Variants in NBAS observed in about 807,000 individuals in gnomAD.
NBAS encodes NAG/BC035112 fusion.
Under a neutral mutation model 302.5 loss-of-function variants are expected in NBAS, and 219 were observed. That is an observed-to-expected ratio of 0.72 (90% confidence interval 0.65 to 0.81). NBAS has a LOEUF of 0.81. Ranked by LOEUF, NBAS falls within the 30% of genes least tolerant of loss-of-function variation. The pLI is 0.00. For synonymous variants in NBAS, 1,118 were observed against 1,021.6 expected (o/e 1.09, Z -1.80); for missense variants, 2,932 against 2,841.6 (o/e 1.03, Z -0.72).
At chr2:14,881,399 A>G in the NBAS span, among the ~76,000 whole-genome samples, 1 of 152,206 alleles carries the variant, frequency 6.6e-6, no homozygotes, top group Non-Finnish European at 1.5e-5. Flanking sequence ...TTCAAAAATT[A>G]TCTGTTGGGA....
intron 12 of NBAS, chr2:15,483,363 C>T (rs1242373859): frequency 2.3e-6 from 1 of 435,180 alleles, no homozygotes; most frequent in East Asian, 7.3e-5. Context: ...AAGATTAGTC[C>T]AACACCTACT....
At position 15,467,287 on chromosome 2, in the gene NBAS, G is replaced by C. The variant is rs752195412; in HGVS notation, c.2097+42C>G. 13 of 1,360,742 alleles carry C rather than the reference G, an allele frequency of 9.6e-6. No individual in the cohort carries two copies. In the Middle Eastern group the frequency reaches 7.1e-4, roughly 75 times the overall value. 84.3% of individuals were successfully genotyped at this position (1,360,742 alleles called of 1,614,324 possible). A position where few individuals can be genotyped will look rare whatever the true frequency, so the allele number is the denominator to read the frequency against. On this transcript the variant is annotated intron_variant, in intron 19 of 51. Coordinates refer to ENST00000281513, the MANE Select transcript of NBAS (RefSeq NM_015909.4). The stretch of plus-strand genomic sequence containing the variant: ...GGCAGCCATAGCATTTATAATGACA[G>C]ATCAAATGAACATAATTGGTTTGAC...
chr2:14,797,384 G>A, the NBAS span, among the ~76,000 whole-genome samples: 13 of 152,182 alleles, frequency 8.5e-5, no homozygotes, highest in African/African-American at 3.1e-4. Context: ...TGCCAGCACT[G>A]GGCATCCATC....
the NBAS span, among the ~76,000 whole-genome samples, chr2:15,121,610 T>C: frequency 6.6e-6 from 1 of 152,346 alleles, no homozygotes; most frequent in African/African-American, 2.4e-5. Flanking sequence ...ATTTAGCTTT[T>C]CCTTCAATTA....
chr2:14,817,301 C>A, the NBAS span, among the ~76,000 whole-genome samples: 1 of 152,206 alleles, frequency 6.6e-6, no homozygotes, highest in Non-Finnish European at 1.5e-5. Context: ...TGGAAAACTC[C>A]TAGGTTCCCT....
At chr2:14,947,669 T>C in the NBAS span, among the ~76,000 whole-genome samples, 1 of 152,274 alleles carries the variant, frequency 6.6e-6, no homozygotes, top group Middle Eastern at 3.4e-3. Context: ...CAGTACTATG[T>C]TGAACACAAG....
chr2:15,403,215 G>C (rs2148431774), intron 25 of NBAS, among the ~76,000 whole-genome samples: 1 of 152,290 alleles, frequency 6.6e-6, no homozygotes, highest in Non-Finnish European at 1.5e-5. Context: ...ATAGGAAAGT[G>C]ATGGAGAGAA....
At chr2:15,548,257 G>GA (rs531596791) in intron 6 of NBAS, among the ~76,000 whole-genome samples, 6 of 149,076 alleles carry the variant, frequency 4.0e-5, no homozygotes, top group African/African-American at 1.2e-4. Flanking sequence ...TGCTAAGCAC[G>GA]AAAAAAAAAA....
chr2:14,945,366 A>C, the NBAS span, among the ~76,000 whole-genome samples: 1 of 152,186 alleles, frequency 6.6e-6, no homozygotes, highest in African/African-American at 2.4e-5. Flanking sequence ...CTAATACTTC[A>C]GTGCACAGAC....
At chr2:15,363,570 A>C (rs1056112750) in intron 32 of NBAS, among the ~76,000 whole-genome samples, 2 of 152,224 alleles carry the variant, frequency 1.3e-5, no homozygotes, top group African/African-American at 4.8e-5. Flanking sequence ...CCTCTTAACT[A>C]TAAAATCCTC....
rs555617373 is a variant in NBAS at position 15,288,917 on chromosome 2, C to T, written c.5028-1734G>A. Among the ~76,000 whole-genome samples the T allele has an allele frequency of 1.4e-3, 216 of 152,300 alleles. 1 individual carries two copies. Among genetic ancestry groups the T allele is most frequent in the Middle Eastern group, 6.8e-3 (2 of 294 alleles). On this transcript the variant is annotated intron_variant, in intron 41 of 51. Transcript: ENST00000281513. ...TTACTGCCAGTCTCTCTGGCATAGTCTTCTTTTTATGGCTTTTGTTTTTGT... is the reference window on the plus strand; with the variant it reads ...TTACTGCCAGTCTCTCTGGCATAGTTTTCTTTTTATGGCTTTTGTTTTTGT...
the NBAS span, among the ~76,000 whole-genome samples, chr2:15,154,214 C>T: frequency 6.6e-6 from 1 of 152,152 alleles, no homozygotes; most frequent in Non-Finnish European, 1.5e-5. Flanking sequence ...TCTCTAGGTC[C>T]AGAGACAGTC....
chr2:15,075,569 T>G, the NBAS span, among the ~76,000 whole-genome samples: 2 of 152,220 alleles, frequency 1.3e-5, no homozygotes, highest in South Asian at 2.1e-4. Context: ...CCTTCAGACT[T>G]AGGGCTACAC....
At chr2:15,405,012 A>C (rs1225509308) in intron 25 of NBAS, among the ~76,000 whole-genome samples, 3 of 152,150 alleles carry the variant, frequency 2.0e-5, no homozygotes, top group Non-Finnish European at 4.4e-5. Flanking sequence ...ACTCAAATTA[A>C]ATTACTTGCA....
chr2:15,381,222 A>G (rs1446285800), intron 29 of NBAS, among the ~76,000 whole-genome samples: 1 of 152,174 alleles, frequency 6.6e-6, no homozygotes, highest in East Asian at 1.9e-4. Context: ...TTTCTGTTCT[A>G]CAGGCTATAT....
chr2:15,051,063 A>G, the NBAS span, among the ~76,000 whole-genome samples: 1 of 152,170 alleles, frequency 6.6e-6, no homozygotes, highest in South Asian at 2.1e-4. Context: ...TACCTAGCAG[A>G]GAGTCTTGCA....
At chr2:15,451,321 T>G (rs142390914) in intron 21 of NBAS, among the ~76,000 whole-genome samples, 1,933 of 152,246 alleles carry the variant, frequency 0.013, 31 homozygotes, top group East Asian at 0.06. Flanking sequence ...AAAGTGCTGG[T>G]ATTATAGGCA....
the NBAS span, among the ~76,000 whole-genome samples, chr2:14,824,739 A>C: frequency 6.6e-6 from 1 of 152,146 alleles, no homozygotes; most frequent in Non-Finnish European, 1.5e-5. Flanking sequence ...AACAGTGGGA[A>C]AGCAGTGGGA....
At chr2:14,975,537 A>G in the NBAS span, among the ~76,000 whole-genome samples, 1 of 152,212 alleles carries the variant, frequency 6.6e-6, no homozygotes, top group Non-Finnish European at 1.5e-5. Flanking sequence ...TTTCTACTGC[A>G]TGGCTTTGAG....
Sources: allele counts gnomAD v4.1 joint callset (sites outside exome capture counted in the v4.1 genomes callset), GRCh38; gene constraint gnomAD v4.1.1; transcripts MANE v1.5; gene names NCBI Gene and HGNC (gene_info 2026-07-23, HGNC 2026-07-21).